Variants in PABPC1L observed in about 807,000 individuals in gnomAD.
The protein encoded by PABPC1L is polyadenylate-binding protein 1-like.
PABPC1L carries 31 observed loss-of-function variants against 66.6 expected under a neutral mutation model. The ratio of observed to expected loss-of-function variants is 0.47; its 90% CI spans 0.35 to 0.63. The LOEUF (loss-of-function observed/expected upper bound fraction) is 0.63, where lower values mean the gene tolerates loss of function less well. Among genes scored for constraint, PABPC1L ranks in the 20% least tolerant of loss-of-function variants. The pLI is 0.00. For missense variants in PABPC1L, 722 were observed against 848.8 expected (o/e 0.85, Z 1.86); for synonymous variants, 348 against 335.1 (o/e 1.04, Z -0.42).
chr20:44,911,491 A>G lies in PABPC1L; in HGVS notation c.193+1155A>G, dbSNP rs78019019. On this transcript the variant is annotated intron_variant, in intron 1 of 14. Coordinates refer to ENST00000217073, the MANE Select transcript of PABPC1L (RefSeq NM_001372179.1). ...CACAAAACAAAACAACAAACAAAAA[A>G]GAAACAACAACGAAAATAGTGGCTT... Among the ~76,000 whole-genome samples, 114 of 152,280 alleles carry G rather than the reference A, an allele frequency of 7.5e-4. 6 individuals are homozygous for G. In the East Asian group the frequency reaches 0.022, roughly 29 times the overall value.
chr20:44,932,284 A>G, intron 8 of PABPC1L, 58 bp from the exon 9 acceptor site: 2 of 1,401,868 alleles, frequency 1.4e-6, no homozygotes, highest in Non-Finnish European at 2.0e-6. Flanking sequence ...GAGGAGGTGT[A>G]GCTTCTCACC....
At chr20:44,935,027 C>T (rs1171293340) in intron 10 of PABPC1L, among the ~76,000 whole-genome samples, 2 of 151,134 alleles carry the variant, frequency 1.3e-5, no homozygotes, top group Non-Finnish European at 2.9e-5. Context: ...GAGATAACAC[C>T]ACTGCACTAT....
At chr20:44,939,048 G>C (rs896176120) in intron 14 of PABPC1L, 78 bp from the exon 15 acceptor site, 2 of 715,538 alleles carry the variant, frequency 2.8e-6, no homozygotes, top group South Asian at 1.5e-5. Flanking sequence ...GCCTGGCCAG[G>C]ATGTAACCAC....
chr20:44,938,924 G>A (rs2066922473), intron 14 of PABPC1L, among the ~76,000 whole-genome samples, 176 bp downstream of exon 14: 1 of 152,218 alleles, frequency 6.6e-6, no homozygotes, highest in South Asian at 2.1e-4. Flanking sequence ...GATCGGAATG[G>A]GGGGTGGTGG....
intron 2 of PABPC1L, among the ~76,000 whole-genome samples, chr20:44,913,866 A>G (rs2066720757): frequency 6.6e-6 from 1 of 152,240 alleles, no homozygotes; most frequent in South Asian, 2.1e-4. Context: ...ATTGTCTTAC[A>G]TTAGATGTAA....
intron 5 of PABPC1L, among the ~76,000 whole-genome samples, chr20:44,919,482 C>T (rs16989487): frequency 0.03 from 4,497 of 152,272 alleles, 237 homozygotes; most frequent in African/African-American, 0.1. Context: ...GCCCTGATGT[C>T]CGCAGAGCTG....
In PABPC1L at chr20:44,939,272, G is replaced by A. The variant is rs1297038520; in HGVS notation, c.*153G>A. 2 of 712,498 alleles carry A rather than the reference G, an allele frequency of 2.8e-6. No homozygotes were observed. The highest frequency in any genetic ancestry group is 2.7e-5 in the East Asian group (1 of 37,202). 44.1% of individuals were successfully genotyped at this position (712,498 alleles called of 1,614,324 possible). On this transcript the variant is annotated 3_prime_UTR_variant, in exon 15 of 15. Transcript: ENST00000217073. Reference sequence around the variant, plus strand: ...TGAATGAAGGTTGGTCACCCATCCAGCCTATTACCTTTTGCTTTGTGTATT... The same window carrying A: ...TGAATGAAGGTTGGTCACCCATCCAACCTATTACCTTTTGCTTTGTGTATT...
At chr20:44,918,196 C>T (rs749310597) in intron 3 of PABPC1L, among the ~76,000 whole-genome samples, 5 of 152,136 alleles carry the variant, frequency 3.3e-5, no homozygotes, top group Non-Finnish European at 7.3e-5. Flanking sequence ...CGTGGTGGCA[C>T]ATACCTGTAA....
In PABPC1L at chr20:44,936,730, G is replaced by A. The variant is rs1188861630; in HGVS notation, c.1660G>A (p.Gly554Arg). The A allele has an allele frequency of 1.2e-6, 2 of 1,604,622 alleles. No homozygotes were observed. Among genetic ancestry groups the A allele is most frequent in the African/African-American group, 2.7e-5 (2 of 74,850 alleles). The change falls in exon 12 of 15, where the codon GGG becomes AGG. Residue 554 changes from glycine to arginine, a missense_variant and splice_region_variant. This residue lies in a region of PABPC1L where 301 missense variants were observed against 337.2 expected (regional missense o/e 0.89). Transcript: ENST00000217073. ...CCTGCATGAGCAAAAGCAGATGATTGGTGAGTGGCTGGTTCTCCTACTGTG... is the reference window on the plus strand; with the variant it reads ...CCTGCATGAGCAAAAGCAGATGATTAGTGAGTGGCTGGTTCTCCTACTGTG... Reference protein sequence around the residue: ...APLHEQKQMIGERLYPLIHDV... With the variant: ...APLHEQKQMIRERLYPLIHDV...
At chr20:44,911,662 G>T (rs2066705915) in intron 1 of PABPC1L, among the ~76,000 whole-genome samples, 2 of 152,150 alleles carry the variant, frequency 1.3e-5, no homozygotes, top group South Asian at 4.1e-4. Context: ...CGCCGGGCCT[G>T]TTCCCCGCCC....
chr20:44,912,652 C>T lies in PABPC1L; in HGVS notation c.194-8C>T. The T allele has an allele frequency of 6.3e-7, 1 of 1,596,068 alleles. No homozygotes were observed. The highest frequency in any genetic ancestry group is 8.6e-7 in the Non-Finnish European group (1 of 1,166,452). ...CTTGCTAATTTCTCTCCTCTTCCTT[C>T]TGTCCAGCGGAGCGGGCACTGGACA... On this transcript the variant is annotated splice_region_variant and splice_polypyrimidine_tract_variant and intron_variant, in intron 1 of 14. Coordinates refer to ENST00000217073, the MANE Select transcript of PABPC1L (RefSeq NM_001372179.1).
At chr20:44,934,204 A>G (rs1367884498) in intron 10 of PABPC1L, among the ~76,000 whole-genome samples, 1 of 152,242 alleles carries the variant, frequency 6.6e-6, no homozygotes, top group African/African-American at 2.4e-5. Flanking sequence ...TCACATCCAC[A>G]GTGTGCTGGG....
intron 3 of PABPC1L, among the ~76,000 whole-genome samples, chr20:44,918,120 G>A (rs1010497258): frequency 2.0e-5 from 3 of 152,296 alleles, no homozygotes; most frequent in Admixed American, 1.3e-4. Context: ...GAGGTCAGGA[G>A]TTTGAGACTA....
At position 44,938,758 on chromosome 20, in the gene PABPC1L, A is replaced by G; in HGVS notation, c.*6+10A>G. The G allele has an allele frequency of 1.2e-6, 2 of 1,607,578 alleles. No individual in the cohort carries two copies. The highest frequency in any genetic ancestry group is 1.7e-6 in the Non-Finnish European group (2 of 1,177,156). On this transcript the variant is annotated intron_variant, in intron 14 of 14. Coordinates refer to ENST00000217073, the MANE Select transcript of PABPC1L (RefSeq NM_001372179.1). The stretch of plus-strand genomic sequence containing the variant: ...CATGCACTGAAACCAGGTGGGTGGA[A>G]TGGTGACAGAAGCAGCTGAGCCCGG...
chr20:44,936,590 C>A, intron 11 of PABPC1L, 47 bp from the exon 12 acceptor site: 1 of 1,459,270 alleles, frequency 6.9e-7, no homozygotes, highest in South Asian at 1.3e-5. Context: ...ATTTTGAGGA[C>A]ATGCCTGTCC....
intron 5 of PABPC1L, among the ~76,000 whole-genome samples, chr20:44,921,212 T>C (rs2425685): frequency 0.42 from 61,828 of 148,964 alleles, 13,373 homozygotes; most frequent in African/African-American, 0.53. Flanking sequence ...TGCAATGGCG[T>C]GATCTCAGCT....
chr20:44,916,362 T>G (rs1478957303), intron 2 of PABPC1L, among the ~76,000 whole-genome samples: 1 of 152,200 alleles, frequency 6.6e-6, no homozygotes, highest in African/African-American at 2.4e-5. Flanking sequence ...AACCTCCGCC[T>G]CCTCGGTTCA....
At chr20:44,917,997 G>T (rs2066748771) in intron 3 of PABPC1L, among the ~76,000 whole-genome samples, 1 of 152,136 alleles carries the variant, frequency 6.6e-6, no homozygotes, top group African/African-American at 2.4e-5. Flanking sequence ...TGCTTTCCTA[G>T]ATGTGTTTAC....
chr20:44,939,198 C>T lies in PABPC1L; in HGVS notation c.*79C>T, dbSNP rs1199420648. The T allele has an allele frequency of 1.4e-6, 1 of 717,862 alleles. No homozygotes were observed. The highest frequency in any genetic ancestry group is 2.6e-6 in the Non-Finnish European group (1 of 385,188). The allele number at this position is 717,862 out of a possible 1,614,324, so 44.5% of individuals were successfully genotyped here. ...GCTCTCAGCCCTAAGGCCCTGCAAACTCTAACTTATTTCCCAATTAGTCTG... is the reference window on the plus strand; with the variant it reads ...GCTCTCAGCCCTAAGGCCCTGCAAATTCTAACTTATTTCCCAATTAGTCTG... On this transcript the variant is annotated 3_prime_UTR_variant, in exon 15 of 15. Coordinates refer to ENST00000217073, the MANE Select transcript of PABPC1L (RefSeq NM_001372179.1).
Sources: allele counts gnomAD v4.1 joint callset (sites outside exome capture counted in the v4.1 genomes callset), GRCh38; gene constraint gnomAD v4.1.1; regional missense constraint gnomAD v4.1.1; transcripts MANE v1.5; gene names NCBI Gene and HGNC (gene_info 2026-07-23, HGNC 2026-07-21).